MAGI2: variants seen among roughly 807,000 people sequenced by gnomAD.
MAGI2 encodes membrane associated guanylate kinase, WW and PDZ domain containing 2, also known as membrane-associated guanylate kinase, WW and PDZ domain-containing protein 2.
Under a neutral mutation model 133.3 loss-of-function variants are expected in MAGI2, and 35 were observed. The observed-to-expected ratio is 0.26, with a 90% CI of 0.20 to 0.35. The LOEUF is 0.35. Ranked by LOEUF, MAGI2 falls within the 10% of genes least tolerant of loss-of-function variation. MAGI2 has a pLI of 1.00. For missense variants in MAGI2, 1,636 were observed against 1,863.4 expected (o/e 0.88, Z 2.25); for synonymous variants, 729 against 710.6 (o/e 1.03, Z -0.41).
intron 21 of MAGI2, among the ~76,000 whole-genome samples, chr7:78,068,895 T>G (rs1814139011): frequency 6.6e-6 from 1 of 152,204 alleles, no homozygotes; most frequent in South Asian, 2.1e-4. Flanking sequence ...CTGTAATGTC[T>G]CTATTTCAAG....
intron 1 of MAGI2, among the ~76,000 whole-genome samples, chr7:79,086,837 A>G (rs1005934770): frequency 6.6e-6 from 1 of 151,830 alleles, no homozygotes; most frequent in African/African-American, 2.4e-5. Flanking sequence ...TCTATTAGCA[A>G]GTTTATTTAG....
Position 79,445,955 on chromosome 7 carries a change from G to T in MAGI2, c.301+7065C>A, listed in dbSNP as rs554588570. ...TGATAGACTGGATTAAGAAAATGTGGCACATATACACCATGGAATACTATG... is the reference window on the plus strand; with the variant it reads ...TGATAGACTGGATTAAGAAAATGTGTCACATATACACCATGGAATACTATG... On this transcript the variant is annotated intron_variant, in intron 1 of 21. Transcript: ENST00000354212. Among the ~76,000 whole-genome samples the T allele has an allele frequency of 3.3e-5, 5 of 152,286 alleles. No individual in the cohort carries two copies. In the South Asian group the frequency reaches 8.3e-4, roughly 25 times the overall value.
intron 2 of MAGI2, among the ~76,000 whole-genome samples, chr7:78,717,220 C>T (rs757764190): frequency 9.9e-5 from 15 of 152,088 alleles, no homozygotes; most frequent in Admixed American, 2.0e-4. Context: ...AGCCGCCCTC[C>T]TTGTCTTTTT....
chr7:79,187,556 C>G (rs1482882322), intron 1 of MAGI2, among the ~76,000 whole-genome samples: 1 of 151,878 alleles, frequency 6.6e-6, no homozygotes, highest in East Asian at 1.9e-4. Flanking sequence ...ACTATTTTCT[C>G]AGCAACAATT....
chr7:79,200,509 G>A (rs985991697), intron 1 of MAGI2, among the ~76,000 whole-genome samples: 7 of 151,328 alleles, frequency 4.6e-5, no homozygotes, highest in Non-Finnish European at 8.8e-5. Flanking sequence ...TACTTGGGGG[G>A]CTGAGGTGGG....
intron 2 of MAGI2, among the ~76,000 whole-genome samples, chr7:78,814,870 A>G (rs1208505329): frequency 6.6e-6 from 1 of 152,124 alleles, no homozygotes; most frequent in Non-Finnish European, 1.5e-5. Context: ...TAACAGGTGC[A>G]TGCCATCACA....
At chr7:78,379,505 C>G (rs574017867) in intron 6 of MAGI2, among the ~76,000 whole-genome samples, 4 of 152,012 alleles carry the variant, frequency 2.6e-5, no homozygotes, top group Non-Finnish European at 4.4e-5. Flanking sequence ...TGCTCTACAA[C>G]AGTTATCAAT....
intron 2 of MAGI2, among the ~76,000 whole-genome samples, chr7:78,810,312 G>A (rs1004678978): frequency 2.0e-5 from 3 of 151,994 alleles, no homozygotes; most frequent in Admixed American, 1.3e-4. Flanking sequence ...ATTCACTCTT[G>A]GAGAAGAAAC....
intron 1 of MAGI2, among the ~76,000 whole-genome samples, chr7:79,071,113 C>T (rs1241983096): frequency 6.6e-6 from 1 of 152,136 alleles, no homozygotes; most frequent in African/African-American, 2.4e-5. Context: ...TGTTGGTGAC[C>T]TTTGGATGGG....
At chr7:79,224,476 C>A (rs1255114020) in intron 1 of MAGI2, among the ~76,000 whole-genome samples, 1 of 151,872 alleles carries the variant, frequency 6.6e-6, no homozygotes, top group Admixed American at 6.6e-5. Flanking sequence ...GATATTTACC[C>A]AAGAGAAATA....
At chr7:78,908,555 A>G (rs747998493) in intron 2 of MAGI2, among the ~76,000 whole-genome samples, 4 of 152,222 alleles carry the variant, frequency 2.6e-5, no homozygotes, top group Non-Finnish European at 5.9e-5. Context: ...ATTCATTACA[A>G]ATAATATTTA....
intron 6 of MAGI2, among the ~76,000 whole-genome samples, chr7:78,401,096 A>C (rs1796817090): frequency 6.6e-6 from 1 of 152,058 alleles, no homozygotes; most frequent in African/African-American, 2.4e-5. Flanking sequence ...TCTAACTCTC[A>C]AGAGCCTTAG....
intron 1 of MAGI2, among the ~76,000 whole-genome samples, chr7:79,046,417 C>G (rs994551541): frequency 3.9e-5 from 6 of 152,192 alleles, no homozygotes; most frequent in African/African-American, 1.2e-4. Flanking sequence ...ATCTTGATCT[C>G]AGACATCTGG....
At position 78,660,956 on chromosome 7, in the gene MAGI2, G is replaced by C. The variant is rs951967183; in HGVS notation, c.419-33717C>G. On this transcript the variant is annotated intron_variant, in intron 2 of 21. Coordinates refer to ENST00000354212, the MANE Select transcript of MAGI2 (RefSeq NM_012301.4). ...GACTTGCAAATCTTAACACCCAAGG[G>C]TTCTGAGAATCTTGTTTCTTGAGAC... Among the ~76,000 whole-genome samples, 17 of 152,042 alleles carry C rather than the reference G, an allele frequency of 1.1e-4. 1 individual carries two copies. In the East Asian group the frequency reaches 2.3e-3, roughly 21 times the overall value.
chr7:78,530,484 C>G (rs1000796835), intron 3 of MAGI2, among the ~76,000 whole-genome samples: 10 of 152,180 alleles, frequency 6.6e-5, no homozygotes, highest in Non-Finnish European at 1.0e-4. Context: ...TGTGAAGACA[C>G]TGTTCTTGTG....
intron 1 of MAGI2, among the ~76,000 whole-genome samples, chr7:79,193,780 A>C (rs1265567321): frequency 6.6e-6 from 1 of 151,810 alleles, no homozygotes; most frequent in Non-Finnish European, 1.5e-5. Context: ...GCACTGGGAA[A>C]ATGGCTGCAT....
intron 21 of MAGI2, among the ~76,000 whole-genome samples, chr7:78,056,310 A>G (rs1048948822): frequency 6.6e-6 from 1 of 152,184 alleles, no homozygotes; most frequent in Non-Finnish European, 1.5e-5. Flanking sequence ...CAGCAATCCC[A>G]TTACTGGGTA....
At chr7:78,033,548 A>G (rs1251764935) in intron 21 of MAGI2, among the ~76,000 whole-genome samples, 5 of 152,206 alleles carry the variant, frequency 3.3e-5, no homozygotes, top group African/African-American at 1.2e-4. Flanking sequence ...GGAGAAGTAA[A>G]GAAGAACAAG....
At chr7:78,031,390 T>C (rs1809553513) in intron 21 of MAGI2, among the ~76,000 whole-genome samples, 1 of 152,242 alleles carries the variant, frequency 6.6e-6, no homozygotes, top group African/African-American at 2.4e-5. Context: ...AAAAGCTTAA[T>C]AGTGCTGATA....
Sources: allele counts gnomAD v4.1 joint callset (sites outside exome capture counted in the v4.1 genomes callset), GRCh38; gene constraint gnomAD v4.1.1; transcripts MANE v1.5; gene names NCBI Gene and HGNC (gene_info 2026-07-23, HGNC 2026-07-21).